Variants in ANO1 observed in about 807,000 individuals in gnomAD.
The protein encoded by ANO1 is anoctamin 1.
ANO1 carries 59 observed loss-of-function variants against 124.0 expected under a neutral mutation model. The observed-to-expected ratio is 0.48, with a 90% CI of 0.39 to 0.59. The LOEUF (loss-of-function observed/expected upper bound fraction) is 0.59, where lower values mean the gene tolerates loss of function less well. Ranked by LOEUF, ANO1 falls within the 20% of genes least tolerant of loss-of-function variation. ANO1 has a pLI of 0.00. For missense variants in ANO1, 1,059 were observed against 1,328.0 expected (o/e 0.80, Z 3.15); for synonymous variants, 529 against 532.0 (o/e 0.99, Z 0.08).
chr11:70,156,946 G>A lies in ANO1; in HGVS notation c.1504-1G>A. ...GTGACCGGCATTGTTTTGTGTTGTA[G>A]ACTGACAAAGTGAAGCTGACATGGA... On this transcript the variant is annotated splice_acceptor_variant, in intron 15 of 25. Transcript: ENST00000355303. LOFTEE classifies it high-confidence loss of function. 6.2e-7 allele frequency: 1 copy of A among 1,613,438 alleles called. No individual in the cohort carries two copies. Among genetic ancestry groups the A allele is most frequent in the Non-Finnish European group, 8.5e-7 (1 of 1,179,664 alleles).
At chr11:69,966,126 G>T in the ANO1 span, among the ~76,000 whole-genome samples, 1 of 152,238 alleles carries the variant, frequency 6.6e-6, no homozygotes, top group Non-Finnish European at 1.5e-5. Context: ...ACTCAGGGTG[G>T]CCCCGCAATG....
Position 70,037,627 on chromosome 11 carries a change from T to C in ANO1, c.59-40915T>C, listed in dbSNP as rs371251192. ...TACTGCATGACAGCTGAGGGGTCCC[T>C]GGGAGAGGCGCTCCCTGAGCCTCAG... is the stretch of plus-strand genomic sequence containing the variant. On this transcript the variant is annotated intron_variant, in intron 1 of 27. Transcript: ENST00000531349. Among the ~76,000 whole-genome samples the C allele has an allele frequency of 3.0e-4, 46 of 152,234 alleles. 1 individual carries two copies. In the East Asian group the frequency reaches 8.2e-3, roughly 27 times the overall value.
chr11:69,976,507 TAAAAAAAAAAAAAAAAAAAAA>T, the ANO1 span, among the ~76,000 whole-genome samples: 29 of 74,484 alleles, frequency 3.9e-4, no homozygotes, highest in African/African-American at 1.1e-3. Flanking sequence ...ACTCCGTCTC[TAAAAAAAAAAAAAAAAAAAAA>T]AAAAAAAAAA....
chr11:69,986,522 C>A (rs1856045416), intron 1 of ANO1, among the ~76,000 whole-genome samples: 1 of 152,122 alleles, frequency 6.6e-6, no homozygotes, highest in Non-Finnish European at 1.5e-5. Flanking sequence ...CCCGGGGGAG[C>A]GTCTTGCAGC....
chr11:70,098,288 C>A (rs2045099196), intron 2 of ANO1, among the ~76,000 whole-genome samples: 1 of 152,206 alleles, frequency 6.6e-6, no homozygotes, highest in Non-Finnish European at 1.5e-5. Flanking sequence ...TGCTCGAGGG[C>A]CTTCGGGCCC....
intron 9 of ANO1, among the ~76,000 whole-genome samples, 161 bp from the exon 10 acceptor site, chr11:70,125,900 C>T (rs1446585482): frequency 6.6e-6 from 1 of 151,612 alleles, no homozygotes; most frequent in African/African-American, 2.4e-5. Context: ...AGAGAGCACC[C>T]CCAACCTGAT....
chr11:70,138,593 C>A (rs1352705155), intron 11 of ANO1, among the ~76,000 whole-genome samples: 2 of 152,090 alleles, frequency 1.3e-5, no homozygotes, highest in Admixed American at 1.3e-4. Context: ...GCATCTCCCG[C>A]GTGCTGACTC....
chr11:69,993,393 T>C (rs953737130), intron 1 of ANO1, among the ~76,000 whole-genome samples: 2 of 152,206 alleles, frequency 1.3e-5, no homozygotes, highest in Admixed American at 6.5e-5. Context: ...AGGCATAATC[T>C]GGCATAATGT....
chr11:70,156,854 C>A, intron 15 of ANO1, 93 bp from the exon 16 acceptor site: 2 of 1,099,844 alleles, frequency 1.8e-6, no homozygotes, highest in Non-Finnish European at 1.3e-6. Context: ...TGTCCCTGGG[C>A]CCATGCACGC....
chr11:70,085,967 C>T (rs902680735), intron 1 of ANO1, among the ~76,000 whole-genome samples: 6 of 152,268 alleles, frequency 3.9e-5, no homozygotes, highest in Non-Finnish European at 7.3e-5. Context: ...TGGGGGGACC[C>T]TCCAGGCCAG....
intron 8 of ANO1, among the ~76,000 whole-genome samples, chr11:70,121,339 C>T (rs2046256833): frequency 2.0e-5 from 3 of 150,076 alleles, no homozygotes; most frequent in East Asian, 2.0e-4. Context: ...TCCCTGTCTT[C>T]CTCCCCCACC....
chr11:70,178,432 C>T (rs2048813016), intron 22 of ANO1, among the ~76,000 whole-genome samples: 1 of 152,334 alleles, frequency 6.6e-6, no homozygotes, highest in African/African-American at 2.4e-5. Flanking sequence ...AAAGATCAAA[C>T]GGAGCTACAA....
At chr11:70,122,160 C>T (rs1259323206) in intron 8 of ANO1, among the ~76,000 whole-genome samples, 1 of 137,222 alleles carries the variant, frequency 7.3e-6, no homozygotes, top group Non-Finnish European at 1.5e-5. Flanking sequence ...CTGTCTCTCT[C>T]TCCATCTCCC....
At chr11:70,049,878 G>A (rs12575978) in intron 1 of ANO1, among the ~76,000 whole-genome samples, 5,439 of 152,182 alleles carry the variant, frequency 0.036, 139 homozygotes, top group East Asian at 0.11. Context: ...CCACCACCAC[G>A]CCTGGCTAAT....
intron 1 of ANO1, among the ~76,000 whole-genome samples, chr11:70,010,564 A>T (rs1856584028): frequency 1.3e-5 from 2 of 152,234 alleles, no homozygotes; most frequent in Admixed American, 6.5e-5. Context: ...GAGGGCTTGC[A>T]TCCTAGGCAG....
chr11:70,099,878 G>A (rs774205287), intron 2 of ANO1, among the ~76,000 whole-genome samples: 9 of 152,160 alleles, frequency 5.9e-5, no homozygotes, highest in Non-Finnish European at 1.0e-4. Context: ...AGGCCACGCC[G>A]TCCCAGGCCT....
chr11:70,121,397 CTG>C (rs2046260677), intron 8 of ANO1, among the ~76,000 whole-genome samples: 1 of 149,948 alleles, frequency 6.7e-6, no homozygotes, highest in Admixed American at 6.6e-5. Flanking sequence ...GCCTCTGTCT[CTG>C]TCTCTCTCCC....
chr11:70,056,808 T>C (rs1162461944), intron 1 of ANO1, among the ~76,000 whole-genome samples: 1 of 146,432 alleles, frequency 6.8e-6, no homozygotes, highest in East Asian at 2.1e-4. Context: ...ATGTCTCTCA[T>C]GGTCTTTTCT....
chr11:70,063,383 T>G (rs988127631), intron 1 of ANO1, among the ~76,000 whole-genome samples: 4 of 152,188 alleles, frequency 2.6e-5, no homozygotes, highest in African/African-American at 9.7e-5. Context: ...GACAGTGGTC[T>G]GGAGACCAGT....
Sources: allele counts gnomAD v4.1 joint callset (sites outside exome capture counted in the v4.1 genomes callset), GRCh38; gene constraint gnomAD v4.1.1; transcripts MANE v1.5; gene names NCBI Gene and HGNC (gene_info 2026-07-23, HGNC 2026-07-21).